Variants in MYO16 observed in about 807,000 individuals in gnomAD.
The protein encoded by MYO16 is myosin XVI, also known as unconventional myosin-XVI.
A neutral mutation model predicts 205.3 loss-of-function variants in MYO16; 94 were observed. That is an observed-to-expected ratio of 0.46 (90% confidence interval 0.39 to 0.54). The LOEUF is 0.54. Among genes scored for constraint, MYO16 ranks in the 20% least tolerant of loss-of-function variants. The pLI is 0.00. For missense variants in MYO16, 2,315 were observed against 2,387.5 expected, an observed-to-expected ratio of 0.97 and a Z score of 0.63; for synonymous variants, 988 against 954.0, an observed-to-expected ratio of 1.04 and a Z score of -0.66.
chr13:108,765,695 G>A (rs1045245697), intron 4 of MYO16, among the ~76,000 whole-genome samples: 1 of 152,120 alleles, frequency 6.6e-6, no homozygotes, highest in Non-Finnish European at 1.5e-5. Context: ...CATGGCAAAC[G>A]TTTTACTGTC....
At chr13:109,102,601 G>T (rs1889006921) in intron 28 of MYO16, among the ~76,000 whole-genome samples, 1 of 151,978 alleles carries the variant, frequency 6.6e-6, no homozygotes, top group South Asian at 2.1e-4. Context: ...AAGGGAATCT[G>T]TAATAATTAT....
chr13:109,204,634 T>G (rs1424319836), intron 34 of MYO16, among the ~76,000 whole-genome samples: 2 of 152,204 alleles, frequency 1.3e-5, no homozygotes, highest in Non-Finnish European at 2.9e-5. Flanking sequence ...AAGCATATCT[T>G]CTTTTGAGAA....
the MYO16 span, among the ~76,000 whole-genome samples, chr13:108,554,016 C>T: frequency 6.6e-5 from 10 of 152,308 alleles, no homozygotes; most frequent in South Asian, 6.2e-4. Flanking sequence ...CAAAGCCATG[C>T]GCTGCCTCCA....
At chr13:108,918,737 G>A (rs1362560214) in intron 16 of MYO16, among the ~76,000 whole-genome samples, 1 of 152,138 alleles carries the variant, frequency 6.6e-6, no homozygotes, top group African/African-American at 2.4e-5. Flanking sequence ...TCCGGAGTTC[G>A]AGACCAACCT....
chr13:109,022,620 GTATA>G (rs1206739100), intron 23 of MYO16, among the ~76,000 whole-genome samples: 1 of 126,334 alleles, frequency 7.9e-6, no homozygotes, highest in Non-Finnish European at 1.6e-5. Context: ...ATAAACATAT[GTATA>G]TATATTATAT....
chr13:108,576,765 C>A, the MYO16 span, among the ~76,000 whole-genome samples: 1 of 151,772 alleles, frequency 6.6e-6, no homozygotes, highest in Non-Finnish European at 1.5e-5. Flanking sequence ...TTCTTTCTTT[C>A]TTTTCTTTTT....
intron 1 of MYO16, among the ~76,000 whole-genome samples, chr13:108,656,109 AATG>A (rs1881231747): frequency 6.6e-6 from 1 of 152,048 alleles, no homozygotes; most frequent in Non-Finnish European, 1.5e-5. Context: ...CTAGGGGCAG[AATG>A]ATATGGTTTG....
chr13:109,098,154 T>C (rs980993526), intron 27 of MYO16, among the ~76,000 whole-genome samples: 2 of 152,212 alleles, frequency 1.3e-5, no homozygotes, highest in African/African-American at 4.8e-5. Flanking sequence ...AGAACCTTCT[T>C]GTTCTCTCTA....
chr13:109,177,517 ATTAT>A (rs1555338943), intron 33 of MYO16, among the ~76,000 whole-genome samples: 2 of 150,984 alleles, frequency 1.3e-5, no homozygotes, highest in South Asian at 2.1e-4. Flanking sequence ...TTATTTATTT[ATTAT>A]TTATTTATTT....
At chr13:108,741,320 A>G (rs1458656741) in intron 4 of MYO16, among the ~76,000 whole-genome samples, 1 of 152,198 alleles carries the variant, frequency 6.6e-6, no homozygotes, top group Non-Finnish European at 1.5e-5. Flanking sequence ...TCATTAAGTG[A>G]GTGCTATGAC....
At chr13:108,645,204 A>C (rs1880697867) in intron 1 of MYO16, among the ~76,000 whole-genome samples, 1 of 152,234 alleles carries the variant, frequency 6.6e-6, no homozygotes, top group African/African-American at 2.4e-5. Flanking sequence ...GTTTGGAGTT[A>C]AAACCAAACT....
In MYO16 at chr13:108,860,628, C is replaced by G. The variant is rs1878407049; in HGVS notation, c.1359+5075C>G. 2.6e-5 allele frequency among the ~76,000 whole-genome samples: 4 copies of G among 152,252 alleles called. No homozygotes were observed. The South Asian group carries it at 8.3e-4, about 32-fold the overall frequency. On this transcript the variant is annotated intron_variant, in intron 11 of 34. Transcript: ENST00000457511. Reference sequence around the variant, plus strand: ...TTGAACTAATTTACACTCCCAACAACAGTGTACTGCTGCACATCTGTGACC... The same window carrying G: ...TTGAACTAATTTACACTCCCAACAAGAGTGTACTGCTGCACATCTGTGACC...
At chr13:108,939,769 A>G (rs1882645768) in intron 16 of MYO16, among the ~76,000 whole-genome samples, 2 of 152,226 alleles carry the variant, frequency 1.3e-5, no homozygotes, top group African/African-American at 2.4e-5. Context: ...AGAGAAAAGT[A>G]CAGAAAACAT....
chr13:108,626,082 T>C (rs1879723634), upstream of MYO16, among the ~76,000 whole-genome samples: 1 of 152,222 alleles, frequency 6.6e-6, no homozygotes, highest in Admixed American at 6.5e-5. Flanking sequence ...ATCATTGCAG[T>C]TTCTTTTTTT....
chr13:109,032,555 G>A (rs1210914283), intron 23 of MYO16, among the ~76,000 whole-genome samples: 1 of 152,190 alleles, frequency 6.6e-6, no homozygotes, highest in East Asian at 1.9e-4. Flanking sequence ...GTCCACATTT[G>A]GATGTTATTA....
the MYO16 span, among the ~76,000 whole-genome samples, chr13:108,567,860 T>C: frequency 7.9e-5 from 12 of 152,276 alleles, no homozygotes; most frequent in East Asian, 1.9e-3. Context: ...CTATTTCAAC[T>C]CACCTGCTCC....
chr13:108,831,912 T>C (rs1267934082), intron 9 of MYO16, among the ~76,000 whole-genome samples: 2 of 152,190 alleles, frequency 1.3e-5, no homozygotes, highest in African/African-American at 4.8e-5. Flanking sequence ...CTATTTCTGC[T>C]TTTCTTGTTA....
At chr13:108,809,270 A>T (rs1196594055) in intron 7 of MYO16, among the ~76,000 whole-genome samples, 1 of 152,236 alleles carries the variant, frequency 6.6e-6, no homozygotes, top group Non-Finnish European at 1.5e-5. Context: ...CTGAAAATTT[A>T]AGCACACCGT....
chr13:109,090,947 A>G (rs1407955979), intron 27 of MYO16, among the ~76,000 whole-genome samples: 2 of 151,474 alleles, frequency 1.3e-5, no homozygotes, highest in African/African-American at 4.9e-5. Context: ...TTTTCTTCAT[A>G]CTTCTCTCTG....
Sources: gnomAD v4.1 joint callset for allele counts (sites outside exome capture counted in the v4.1 genomes callset) on GRCh38, gnomAD v4.1.1 for gene constraint, MANE v1.5 for transcripts, NCBI Gene and HGNC (gene_info 2026-07-23, HGNC 2026-07-21) for gene names.